Variants in TGM5 observed in about 807,000 individuals in gnomAD.
The protein encoded by TGM5 is transglutaminase 5.
Under a neutral mutation model 77.2 loss-of-function variants are expected in TGM5, and 69 were observed. That is an observed-to-expected ratio of 0.89 (90% CI 0.74 to 1.09). The LOEUF (loss-of-function observed/expected upper bound fraction) is 1.09. Ranked by LOEUF, TGM5 falls within the 50% of genes least tolerant of loss-of-function variation. TGM5 has a pLI of 0.00. For synonymous variants in TGM5, 346 were observed against 351.8 expected (o/e 0.98, Z 0.18); for missense variants, 842 against 896.5 (o/e 0.94, Z 0.78).
intron 6 of TGM5, among the ~76,000 whole-genome samples, chr15:43,246,286 G>A (rs558635654): frequency 6.6e-6 from 1 of 152,228 alleles, no homozygotes; most frequent in Admixed American, 6.5e-5. Flanking sequence ...CAGGTGCAAT[G>A]TTTGGTTCCT....
intron 6 of TGM5, among the ~76,000 whole-genome samples, chr15:43,245,708 G>A (rs1023199272): frequency 1.3e-5 from 2 of 152,140 alleles, no homozygotes; most frequent in African/African-American, 4.8e-5. Flanking sequence ...AATGAGCACT[G>A]TTTACAGAGA....
chr15:43,260,814 T>C (rs2042780580), intron 1 of TGM5: 1 of 599,796 alleles, frequency 1.7e-6, no homozygotes, highest in Non-Finnish European at 3.0e-6. Flanking sequence ...TCTCTGACCC[T>C]CTATCTTCTT....
In TGM5 at chr15:43,253,518, C is replaced by T. The variant is rs756238137; in HGVS notation, c.672G>A (p.Val224=). 1 of 1,612,418 alleles carries T rather than the reference C, an allele frequency of 6.2e-7. No individual in the cohort carries two copies. The highest frequency in any genetic ancestry group is 1.3e-5 in the African/African-American group (1 of 74,920). ...CCAGGGACCTCACCATGGCACACAC[C>T]ACTCTGCTGACGTAGACGGGGCTTC... ...LRGSPVYVSR[V]VCAMINSNDD... is the part of the protein sequence containing the mutation. Residue 224 remains valine (V), a synonymous_variant, in exon 5 of 13, where the codon GTG becomes GTA. Coordinates refer to ENST00000220420, the MANE Select transcript of TGM5 (RefSeq NM_201631.4).
In TGM5 at chr15:43,233,663, G is replaced by A. The variant is rs769032755; in HGVS notation, c.1900C>T (p.Gln634Ter). Residue 634 changes from glutamine to a stop codon, truncating the protein, a stop_gained, in exon 12 of 13, where the codon CAG becomes TAG. Transcript: ENST00000220420. LOFTEE classifies it high-confidence loss of function. ...INVLGAAVVN[Q>*]PLSIQVIFSN... Reference sequence around the variant, plus strand: ...AATATCACCTGTATGGAGAGTGGCTGGTTCACAACGGCTGCTCCTAGAACC... The same window carrying A: ...AATATCACCTGTATGGAGAGTGGCTAGTTCACAACGGCTGCTCCTAGAACC... 3.1e-5 allele frequency: 50 copies of A among 1,614,026 alleles called. No individual in the cohort carries two copies. Among genetic ancestry groups the A allele is most frequent in the Admixed American group, 8.3e-5 (5 of 59,990 alleles).
In TGM5 at chr15:43,265,090, G is replaced by A. The variant is rs2042815632; in HGVS notation, c.10+1750C>T. Among the ~76,000 whole-genome samples the A allele has an allele frequency of 2.0e-5, 3 of 152,324 alleles. No homozygotes were observed. In the South Asian group the frequency reaches 6.2e-4, roughly 32 times the overall value. On this transcript the variant is annotated intron_variant, in intron 1 of 12. Transcript: ENST00000220420. ...TACTATGTGCCAGGCACTGTGCCAGGTACGCTAGGACAGTTATCTCATTTA... is the reference window on the plus strand; with the variant it reads ...TACTATGTGCCAGGCACTGTGCCAGATACGCTAGGACAGTTATCTCATTTA...
intron 6 of TGM5, among the ~76,000 whole-genome samples, chr15:43,242,444 A>C (rs1444539075): frequency 2.0e-5 from 3 of 152,228 alleles, no homozygotes; most frequent in Non-Finnish European, 4.4e-5. Context: ...ACCTTTGTAG[A>C]TCAATATCCC....
chr15:43,261,399 C>T (rs1182297707), intron 1 of TGM5, among the ~76,000 whole-genome samples: 4 of 152,104 alleles, frequency 2.6e-5, no homozygotes, highest in Non-Finnish European at 5.9e-5. Flanking sequence ...GCTAGCTGCT[C>T]TTCTTTTAGC....
chr15:43,262,992 C>T (rs1226990318), intron 1 of TGM5, among the ~76,000 whole-genome samples: 1 of 152,048 alleles, frequency 6.6e-6, no homozygotes, highest in Admixed American at 6.5e-5. Flanking sequence ...AGGAACCCGC[C>T]AAAAAATATA....
intron 1 of TGM5, chr15:43,260,813 C>G (rs1454286099): frequency 6.6e-6 from 4 of 605,492 alleles, no homozygotes; most frequent in Non-Finnish European, 1.2e-5. Flanking sequence ...CTCTCTGACC[C>G]TCTATCTTCT....
intron 6 of TGM5, among the ~76,000 whole-genome samples, chr15:43,242,452 C>A (rs1293157632): frequency 6.6e-6 from 1 of 152,152 alleles, no homozygotes; most frequent in Admixed American, 6.5e-5. Context: ...AGATCAATAT[C>A]CCCCCTCCCC....
At chr15:43,245,786 G>A (rs2042665492) in intron 6 of TGM5, among the ~76,000 whole-genome samples, 1 of 151,954 alleles carries the variant, frequency 6.6e-6, no homozygotes, top group East Asian at 1.9e-4. Flanking sequence ...CCTGGGTCAT[G>A]TATTAGATGA....
At chr15:43,242,405 T>C (rs191969576) in intron 6 of TGM5, among the ~76,000 whole-genome samples, 35 of 151,452 alleles carry the variant, frequency 2.3e-4, no homozygotes, top group African/African-American at 8.1e-4. Flanking sequence ...GTTTTCAATT[T>C]TCCCCCTGTT....
At chr15:43,253,923 T>C (rs2042725618) in intron 4 of TGM5, among the ~76,000 whole-genome samples, 2 of 152,138 alleles carry the variant, frequency 1.3e-5, no homozygotes, top group African/African-American at 2.4e-5. Context: ...GTCTGACTGA[T>C]TGAAAAGGCT....
intron 4 of TGM5, among the ~76,000 whole-genome samples, chr15:43,253,889 T>C (rs1566834816): frequency 6.6e-6 from 1 of 151,888 alleles, no homozygotes; most frequent in Non-Finnish European, 1.5e-5. Context: ...TACTCCTGGG[T>C]TGTTTGGGTT....
At chr15:43,243,959 G>T (rs1456942194) in intron 6 of TGM5, among the ~76,000 whole-genome samples, 2 of 152,156 alleles carry the variant, frequency 1.3e-5, no homozygotes, top group Non-Finnish European at 2.9e-5. Flanking sequence ...AGGTCACAGG[G>T]CAGGAAGAGA....
chr15:43,238,715 AGT>A, intron 9 of TGM5, 100 bp downstream of exon 9: 4 of 1,532,672 alleles, frequency 2.6e-6, no homozygotes, highest in Non-Finnish European at 3.5e-6. Flanking sequence ...CTGAGGAGAC[AGT>A]GGGGCTGGGT....
intron 6 of TGM5, among the ~76,000 whole-genome samples, chr15:43,244,542 G>A (rs914831681): frequency 2.0e-5 from 3 of 152,224 alleles, no homozygotes; most frequent in Admixed American, 6.5e-5. Flanking sequence ...AAAGGTGAAC[G>A]AGATCTCAGA....
chr15:43,262,500 C>T (rs1008132078), intron 1 of TGM5, among the ~76,000 whole-genome samples: 1 of 152,188 alleles, frequency 6.6e-6, no homozygotes, highest in African/African-American at 2.4e-5. Context: ...TAGAAGGGGA[C>T]TTCCAGCCGG....
Position 43,241,572 on chromosome 15 carries a change from T to C in TGM5, c.863-582A>G, listed in dbSNP as rs1462261600. Among the ~76,000 whole-genome samples, 4 of 152,140 alleles carry C rather than the reference T, an allele frequency of 2.6e-5. No homozygotes were observed. The East Asian group carries it at 7.7e-4, about 29-fold the overall frequency. ...GAGAGTTTCTACCTGGTAGAGAAAT[T>C]CTTGAAAGAAGGTAGAGTGTTGTCT... On this transcript the variant is annotated intron_variant, in intron 6 of 12. Coordinates refer to ENST00000220420, the MANE Select transcript of TGM5 (RefSeq NM_201631.4).
Sources: allele counts gnomAD v4.1 joint callset (sites outside exome capture counted in the v4.1 genomes callset), GRCh38; gene constraint gnomAD v4.1.1; transcripts MANE v1.5; gene names NCBI Gene and HGNC (gene_info 2026-07-23, HGNC 2026-07-21).